EPHB1: variants seen among roughly 807,000 people sequenced by gnomAD.
EPHB1 encodes ephrin type-B receptor 1.
A neutral mutation model predicts 94.4 loss-of-function variants in EPHB1; 30 were observed. That is an observed-to-expected ratio of 0.32 (90% confidence interval 0.24 to 0.43). EPHB1 has a LOEUF of 0.43. Among genes scored for constraint, EPHB1 ranks in the 20% least tolerant of loss-of-function variants. The pLI is 1.00. For missense variants in EPHB1, 1,055 were observed against 1,308.3 expected (o/e 0.81, Z 2.99); for synonymous variants, 522 against 489.1 (o/e 1.07, Z -0.89).
At position 135,162,119 on chromosome 3, in the gene EPHB1, C is replaced by T. The variant is rs1576436917; in HGVS notation, c.1524C>T (p.Ala508=). 34 of 1,612,700 alleles carry T rather than the reference C, an allele frequency of 2.1e-5. No individual in the cohort carries two copies. Among genetic ancestry groups the T allele is most frequent in the Non-Finnish European group, 2.9e-5 (34 of 1,179,216 alleles). Residue 508 remains alanine, a synonymous_variant, in exon 7 of 16, where the codon GCC becomes GCT. Transcript: ENST00000398015. ...PGMVYVVQVR[A]RTVAGYGKFS... is the part of the protein sequence containing the mutation. The stretch of plus-strand genomic sequence containing the variant: ...TGGTATATGTGGTACAGGTGCGTGC[C>T]CGCACTGTTGCTGGCTACGGCAAGT...
chr3:135,242,119 T>G (rs898680151), intron 13 of EPHB1, among the ~76,000 whole-genome samples: 5 of 152,254 alleles, frequency 3.3e-5, no homozygotes, highest in African/African-American at 1.2e-4. Context: ...TGAAAAGTCC[T>G]GCCTGAATTT....
intron 1 of EPHB1, among the ~76,000 whole-genome samples, chr3:134,882,767 T>C (rs9836142): frequency 0.074 from 2,912 of 39,574 alleles, 131 homozygotes; most frequent in African/African-American, 0.087. Context: ...CCTTCCTTCC[T>C]TTCTTTCTTT....
At chr3:134,975,226 G>GAGCTCAGGGACCTGAGATGCCATATCTA (rs2107730209) in intron 3 of EPHB1, among the ~76,000 whole-genome samples, 1 of 152,246 alleles carries the variant, frequency 6.6e-6, no homozygotes, top group African/African-American at 2.4e-5. Flanking sequence ...GGGACTCAGA[G>GAGCTCAGGGACCTGAGATGCCATATCTA]AGCTCAGGGA....
chr3:135,050,692 A>G (rs984561290), intron 3 of EPHB1, among the ~76,000 whole-genome samples: 1 of 152,146 alleles, frequency 6.6e-6, no homozygotes, highest in Non-Finnish European at 1.5e-5. Flanking sequence ...CCCCATGGTA[A>G]TAAGTGAGTC....
intron 1 of EPHB1, among the ~76,000 whole-genome samples, chr3:134,855,429 G>T (rs1054403076): frequency 3.3e-5 from 5 of 152,156 alleles, no homozygotes; most frequent in African/African-American, 1.2e-4. Context: ...GTGTCCATTG[G>T]ATTGCACAGC....
chr3:135,137,523 G>A (rs1052841368), intron 5 of EPHB1, among the ~76,000 whole-genome samples: 14 of 152,234 alleles, frequency 9.2e-5, no homozygotes, highest in Middle Eastern at 3.4e-3. Flanking sequence ...CCACCACGGG[G>A]CAGTCATCTT....
At chr3:134,852,664 GGTGTGTGTGTGT>G (rs143990053) in intron 1 of EPHB1, 1 of 149,524 alleles carries the variant, frequency 6.7e-6, no homozygotes, top group Non-Finnish European at 1.5e-5. Context: ...GTAAATGTGG[GGTGTGTGTGTGT>G]GTGTGTGTGT....
At chr3:135,225,193 C>CCA (rs1943364793) in intron 12 of EPHB1, among the ~76,000 whole-genome samples, 1 of 152,224 alleles carries the variant, frequency 6.6e-6, no homozygotes, top group African/African-American at 2.4e-5. Context: ...CCACCCTTTG[C>CCA]CACAGGCAGT....
At chr3:134,909,936 C>T (rs939792949) in intron 1 of EPHB1, among the ~76,000 whole-genome samples, 2 of 152,160 alleles carry the variant, frequency 1.3e-5, no homozygotes, top group Non-Finnish European at 2.9e-5. Context: ...CCAAAAGGAC[C>T]TAGAGTGATC....
chr3:134,985,261 C>A (rs1934557085), intron 3 of EPHB1, among the ~76,000 whole-genome samples: 1 of 152,152 alleles, frequency 6.6e-6, no homozygotes, highest in African/African-American at 2.4e-5. Context: ...TCAAGCAATT[C>A]TCCTGCCTCA....
intron 5 of EPHB1, among the ~76,000 whole-genome samples, chr3:135,146,154 G>T (rs930823476): frequency 7.2e-5 from 11 of 152,130 alleles, no homozygotes; most frequent in African/African-American, 2.4e-4. Flanking sequence ...ACTCTGGTGG[G>T]CATGGTCAGG....
rs1295954707 is a variant in EPHB1 at position 135,248,530 on chromosome 3, A to G, written c.2690+21A>G. On this transcript the variant is annotated intron_variant, in intron 14 of 15. Transcript: ENST00000398015. ...GCCGTGTGAGTCTAGTGAAACGGTG[A>G]TCCCTAAATATGGCTGGTTTCATGG... The G allele has an allele frequency of 7.1e-6, 11 of 1,546,100 alleles. No individual in the cohort carries two copies. The African/African-American group carries it at 1.4e-4, about 19-fold the overall frequency.
intron 3 of EPHB1, among the ~76,000 whole-genome samples, chr3:134,989,520 C>CACAT (rs978206693): frequency 2.0e-5 from 3 of 150,094 alleles, no homozygotes; most frequent in African/African-American, 7.6e-5. Flanking sequence ...CACACACACA[C>CACAT]ATATATGTGA....
chr3:134,855,975 C>T (rs1221491012), intron 1 of EPHB1, among the ~76,000 whole-genome samples: 1 of 152,158 alleles, frequency 6.6e-6, no homozygotes, highest in African/African-American at 2.4e-5. Flanking sequence ...CATGTAGCTA[C>T]TAAAGGGTGG....
intron 3 of EPHB1, among the ~76,000 whole-genome samples, chr3:135,014,585 T>C (rs1337405395): frequency 6.6e-6 from 1 of 152,236 alleles, no homozygotes; most frequent in Non-Finnish European, 1.5e-5. Context: ...CTATTGAGTG[T>C]GTGCTGGTGG....
chr3:134,842,980 T>G (rs2036803971), intron 1 of EPHB1, among the ~76,000 whole-genome samples: 1 of 152,258 alleles, frequency 6.6e-6, no homozygotes. Context: ...CCATTTCCAG[T>G]GCTTTTCATT....
At chr3:135,248,769 C>G (rs776799076) in intron 14 of EPHB1, among the ~76,000 whole-genome samples, 1 of 151,966 alleles carries the variant, frequency 6.6e-6, no homozygotes, top group Non-Finnish European at 1.5e-5. Flanking sequence ...GAGACAAAAT[C>G]TTTATGACTT....
intron 3 of EPHB1, among the ~76,000 whole-genome samples, chr3:134,963,135 CTCCTTCCTTCCTTCCTTCCT>C (rs59384593): frequency 0.015 from 2,064 of 137,074 alleles, 42 homozygotes; most frequent in African/African-American, 0.039. Flanking sequence ...CCTTCTCTTG[CTCCTTCCTTCCTTCCTTCCT>C]TCCTTCCTTC....
intron 1 of EPHB1, among the ~76,000 whole-genome samples, chr3:134,890,300 T>C (rs2037954105): frequency 6.6e-6 from 1 of 152,270 alleles, no homozygotes; most frequent in Admixed American, 6.5e-5. Flanking sequence ...CATGTCCCCT[T>C]TCTTCTCCAC....
Sources: allele counts gnomAD v4.1 joint callset (sites outside exome capture counted in the v4.1 genomes callset), GRCh38; gene constraint gnomAD v4.1.1; transcripts MANE v1.5; gene names NCBI Gene and HGNC (gene_info 2026-07-23, HGNC 2026-07-21).